Variants in HCK observed in about 807,000 individuals in gnomAD.
The protein encoded by HCK is HCK proto-oncogene, Src family tyrosine kinase, also known as tyrosine-protein kinase HCK.
Under a neutral mutation model 70.4 loss-of-function variants are expected in HCK, and 40 were observed. The ratio of observed to expected loss-of-function variants is 0.57; its 90% CI spans 0.44 to 0.74. HCK has a LOEUF of 0.74. Among genes scored for constraint, HCK ranks in the 30% least tolerant of loss-of-function variants. The probability of loss-of-function intolerance (pLI) is 0.00; values close to 1 mark genes in which losing one functional copy is unlikely to be tolerated. For missense variants in HCK, 568 were observed against 697.2 expected, an observed-to-expected ratio of 0.81 and a Z score of 2.09; for synonymous variants, 245 against 263.2, an observed-to-expected ratio of 0.93 and a Z score of 0.67.
At chr20:32,062,477 G>A (rs1283266088) in intron 1 of HCK, among the ~76,000 whole-genome samples, 6 of 152,148 alleles carry the variant, frequency 3.9e-5, no homozygotes, top group Non-Finnish European at 7.3e-5. Context: ...ATAAGTGTTT[G>A]GAACACAGGC....
chr20:32,060,053 G>T (rs1194466588), intron 1 of HCK, among the ~76,000 whole-genome samples: 2 of 152,130 alleles, frequency 1.3e-5, no homozygotes, highest in Non-Finnish European at 2.9e-5. Context: ...GCAGGTTAAA[G>T]TGAAAAGTGG....
chr20:32,061,285 G>A (rs112666039), intron 1 of HCK, among the ~76,000 whole-genome samples: 11 of 152,214 alleles, frequency 7.2e-5, no homozygotes, highest in African/African-American at 1.7e-4. Flanking sequence ...CCCAGCTGCC[G>A]TGCCATTCTA....
At chr20:32,097,300 C>G (rs2045969776) in intron 11 of HCK, among the ~76,000 whole-genome samples, 1 of 151,754 alleles carries the variant, frequency 6.6e-6, no homozygotes, top group African/African-American at 2.4e-5. Flanking sequence ...ATAAATAGGG[C>G]CGGGCACGTT....
At chr20:32,052,952 C>T (rs1045682296) in intron 1 of HCK, among the ~76,000 whole-genome samples, 1 of 151,942 alleles carries the variant, frequency 6.6e-6, no homozygotes, top group East Asian at 1.9e-4. Context: ...GCGTGACGTG[C>T]GAGCCACACC....
chr20:32,074,116 C>T (rs17093809), intron 4 of HCK, among the ~76,000 whole-genome samples: 2,218 of 152,256 alleles, frequency 0.015, 47 homozygotes, highest in African/African-American at 0.049. Flanking sequence ...CAGGCCCCAT[C>T]GAGTCGACCT....
intron 10 of HCK, among the ~76,000 whole-genome samples, chr20:32,091,414 CT>C (rs2045862137): frequency 6.6e-6 from 1 of 152,184 alleles, no homozygotes; most frequent in South Asian, 2.1e-4. Flanking sequence ...GTTTTCTTAT[CT>C]GTGGAAATGG....
intron 7 of HCK, 135 bp downstream of exon 7, chr20:32,084,178 C>T (rs1164647881): frequency 2.7e-6 from 3 of 1,123,068 alleles, no homozygotes; most frequent in East Asian, 2.6e-5. Flanking sequence ...TTGGATGCTT[C>T]TGAAGGCTTA....
intron 7 of HCK, 137 bp from the exon 8 acceptor site, chr20:32,084,254 C>A: frequency 1.8e-6 from 2 of 1,112,688 alleles, no homozygotes; most frequent in Non-Finnish European, 2.5e-6. Flanking sequence ...ACTCTGCTTG[C>A]TTGGGAATGT....
intron 9 of HCK, 35 bp downstream of exon 9, chr20:32,086,842 G>A (rs772046066): frequency 6.6e-7 from 1 of 1,517,382 alleles, no homozygotes; most frequent in African/African-American, 1.4e-5. Context: ...GCAGGCTGTG[G>A]CCTATACTGG....
chr20:32,086,046 G>A (rs2045780292), intron 8 of HCK, among the ~76,000 whole-genome samples: 1 of 152,156 alleles, frequency 6.6e-6, no homozygotes, highest in Non-Finnish European at 1.5e-5. Flanking sequence ...TTGAGACAGA[G>A]TCTCGCTCTG....
intron 1 of HCK, chr20:32,069,707 T>A (rs1007640570): frequency 2.5e-5 from 26 of 1,041,524 alleles, no homozygotes; most frequent in Admixed American, 1.2e-4. Flanking sequence ...GCAAAACCGC[T>A]CAAGTCTTGA....
At chr20:32,059,293 T>TTCCTTCCTTCCTTCCTTCCTTCCTTCCC (rs1188956257) in intron 1 of HCK, among the ~76,000 whole-genome samples, 1 of 148,924 alleles carries the variant, frequency 6.7e-6, no homozygotes, top group Non-Finnish European at 1.5e-5. Flanking sequence ...CCTTCCTTCC[T>TTCCTTCCTTCCTTCCTTCCTTCCTTCCC]TCCCTCCCTC....
intron 1 of HCK, chr20:32,069,775 A>T (rs760389981): frequency 1.6e-6 from 2 of 1,273,930 alleles, no homozygotes; most frequent in South Asian, 2.6e-5. Context: ...AATAAAAGGA[A>T]TCTTTTTTCA....
intron 1 of HCK, among the ~76,000 whole-genome samples, chr20:32,053,290 C>T (rs138257227): frequency 6.6e-6 from 1 of 151,914 alleles, no homozygotes; most frequent in African/African-American, 2.4e-5. Flanking sequence ...TTCACAACTG[C>T]AGGATGGGGA....
rs968120764 is a variant in HCK, at chr20:32,089,739, G to A, written c.1092+1095G>A. Among the ~76,000 whole-genome samples the A allele has an allele frequency of 1.1e-4, 17 of 152,206 alleles. 1 individual carries two copies. Among genetic ancestry groups the A allele is most frequent in the Admixed American group, 9.8e-4 (15 of 15,286 alleles). On this transcript the variant is annotated intron_variant, in intron 10 of 12. Transcript: ENST00000375852. The stretch of plus-strand genomic sequence containing the variant: ...GTCTGGGAAAACAGAGTGTAAGGAC[G>A]GGGTGGTATTAGAGTGCATAGCTAG...
intron 11 of HCK, 39 bp from the exon 12 acceptor site, chr20:32,098,964 TC>T (rs781528952): frequency 1.2e-6 from 2 of 1,603,512 alleles, no homozygotes; most frequent in Non-Finnish European, 1.7e-6. Flanking sequence ...CCCTCACTAC[TC>T]CCCAGCCTTC....
chr20:32,094,801 GAAAGAAAGAAA>G (rs2045927367), intron 11 of HCK, among the ~76,000 whole-genome samples: 2 of 53,006 alleles, frequency 3.8e-5, no homozygotes, highest in African/African-American at 5.3e-5. Flanking sequence ...AAGAAAGAAA[GAAAGAAAGAAA>G]GAAAGAAAGA....
Position 32,092,967 on chromosome 20 carries a change from CAG to C in HCK, c.1093-893_1093-892del, listed in dbSNP as rs549347168. On this transcript the variant is annotated intron_variant, in intron 10 of 12. Coordinates refer to ENST00000375852, the MANE Select transcript of HCK (RefSeq NM_002110.5). ...TTTTATCTTTTTTTTCTTTTTGAGA[CAG>C]AGTCTTGCTCTGTCGCCCAGGCTGG... 4.2e-3 allele frequency among the ~76,000 whole-genome samples: 639 copies of C among 152,208 alleles called. 3 individuals carry two copies. The highest frequency in any genetic ancestry group is 4.4e-3 in the Non-Finnish European group (301 of 68,010).
intron 12 of HCK, 107 bp from the exon 13 acceptor site, chr20:32,101,210 C>G: frequency 1.1e-6 from 1 of 914,966 alleles, no homozygotes; most frequent in Non-Finnish European, 1.7e-6. Flanking sequence ...GCTCAGCTTG[C>G]AAGGTGAGGT....
Sources: gnomAD v4.1 joint callset for allele counts (sites outside exome capture counted in the v4.1 genomes callset) on GRCh38, gnomAD v4.1.1 for gene constraint, MANE v1.5 for transcripts, NCBI Gene and HGNC (gene_info 2026-07-23, HGNC 2026-07-21) for gene names.